Variants in NAV1 observed in about 807,000 individuals in gnomAD.
NAV1 encodes pore membrane and/or filament interacting like protein 3.
NAV1 carries 18 observed loss-of-function variants against 175.2 expected under a neutral mutation model. The ratio of observed to expected loss-of-function variants is 0.10; its 90% CI spans 0.07 to 0.15. The LOEUF (loss-of-function observed/expected upper bound fraction) is 0.15. Ranked by LOEUF, NAV1 falls within the 10% of genes least tolerant of loss-of-function variation. NAV1 has a pLI of 1.00. For synonymous variants in NAV1, 897 were observed against 978.7 expected (o/e 0.92, Z 1.56); for missense variants, 1,731 against 2,436.6 (o/e 0.71, Z 6.10).
intron 1 of NAV1, among the ~76,000 whole-genome samples, chr1:201,657,894 G>A (rs910044546): frequency 2.6e-5 from 4 of 152,114 alleles, no homozygotes; most frequent in Non-Finnish European, 5.9e-5. Flanking sequence ...TTAGCCAGGA[G>A]TGGTGGCTCA....
At chr1:201,701,603 T>C (rs1671427860) in intron 1 of NAV1, among the ~76,000 whole-genome samples, 1 of 152,168 alleles carries the variant, frequency 6.6e-6, no homozygotes, top group Admixed American at 6.5e-5. Flanking sequence ...AATTTGAAAC[T>C]TCATTAATTT....
In NAV1 at chr1:201,782,930, T is replaced by G; in HGVS notation, c.2357+61T>G. 52 of 1,417,390 alleles carry G rather than the reference T, an allele frequency of 3.7e-5. No homozygotes were observed. The highest frequency in any genetic ancestry group is 4.3e-5 in the Non-Finnish European group (45 of 1,043,596). The allele number at this position is 1,417,390 out of a possible 1,614,324, so 87.8% of individuals were successfully genotyped here. A position where few individuals can be genotyped will look rare whatever the true frequency, so the allele number is the denominator to read the frequency against. On this transcript the variant is annotated intron_variant, in intron 6 of 29. Coordinates refer to ENST00000367296, the Ensembl canonical transcript of NAV1. This position sits in a 1 kb window ranked among gnomAD's most constrained non-coding sequence, Gnocchi z 5.4. ...GCTTTGTCATTCTTTCGCATATCTC[T>G]GCCCTCCTTGGACTAGATGAGGCAT...
chr1:201,695,648 G>T (rs1671159518), intron 1 of NAV1, among the ~76,000 whole-genome samples: 2 of 152,246 alleles, frequency 1.3e-5, no homozygotes, highest in Non-Finnish European at 2.9e-5. Flanking sequence ...ACTGCAGCAT[G>T]GTGCCTGGGC....
chr1:201,664,117 A>C (rs1669722148), intron 1 of NAV1, among the ~76,000 whole-genome samples: 1 of 152,124 alleles, frequency 6.6e-6, no homozygotes, highest in African/African-American at 2.4e-5. Context: ...GAGAGACCCG[A>C]ATTCAAATCC....
intron 3 of NAV1, among the ~76,000 whole-genome samples, chr1:201,760,357 G>A (rs1185092233): frequency 6.7e-6 from 1 of 149,830 alleles, no homozygotes; most frequent in Non-Finnish European, 1.5e-5. Flanking sequence ...TAAATAAATA[G>A]ATTAAACTTT....
chr1:201,668,617 G>A (rs1669917032), intron 1 of NAV1, among the ~76,000 whole-genome samples: 1 of 152,154 alleles, frequency 6.6e-6, no homozygotes, highest in Admixed American at 6.5e-5. Context: ...GTGGTGCTGG[G>A]CGTGGGTCGA....
intron 3 of NAV1, among the ~76,000 whole-genome samples, chr1:201,763,682 G>A (rs1406910685): frequency 1.3e-5 from 2 of 152,214 alleles, no homozygotes; most frequent in Non-Finnish European, 2.9e-5. Context: ...GGCCCTGCCA[G>A]CTGACATGGC....
rs532818543 is a variant in NAV1 at position 201,696,781 on chromosome 1, C to T, written c.758-16036C>T. ...GGATTCAGATCCCTACCCTACAAGC[C>T]GTGTGACCTTAGGAAGTTAACTGAC... On this transcript the variant is annotated intron_variant, in intron 1 of 29. Coordinates refer to ENST00000367296, the Ensembl canonical transcript of NAV1. 5.3e-5 allele frequency among the ~76,000 whole-genome samples: 8 copies of T among 152,282 alleles called. 2 individuals carry two copies. Among genetic ancestry groups the T allele is most frequent in the African/African-American group, 1.4e-4 (6 of 41,534 alleles).
At chr1:201,601,042 T>C (rs961914303) in intron 2 of NAV1, among the ~76,000 whole-genome samples, 5 of 152,226 alleles carry the variant, frequency 3.3e-5, no homozygotes, top group African/African-American at 9.6e-5. Context: ...ATGGCAGCCA[T>C]AGCAGTCACC....
chr1:201,822,559 G>C (rs1199780013), exon 30 of NAV1: 3 of 152,582 alleles, frequency 2.0e-5, no homozygotes, highest in Non-Finnish European at 4.4e-5. Flanking sequence ...GGTAACCATG[G>C]ATACCACCAT....
chr1:201,581,646 T>C (rs568326378), intron 1 of NAV1, among the ~76,000 whole-genome samples: 1 of 151,796 alleles, frequency 6.6e-6, no homozygotes, highest in East Asian at 1.9e-4. Context: ...CTGGTCAACA[T>C]GGCGAAACCC....
chr1:201,749,934 G>A (rs899260211), intron 3 of NAV1, among the ~76,000 whole-genome samples: 30 of 152,136 alleles, frequency 2.0e-4, no homozygotes, highest in Admixed American at 2.0e-3. Context: ...GAAAGAAAAG[G>A]CATGTTGCTG....
intron 2 of NAV1, among the ~76,000 whole-genome samples, chr1:201,599,139 C>T (rs12068260): frequency 0.059 from 9,027 of 152,242 alleles, 572 homozygotes; most frequent in African/African-American, 0.16. Flanking sequence ...CAGGTTGGGC[C>T]CCCCAGGAGG....
At chr1:201,687,359 C>T (rs1223655390) in intron 1 of NAV1, among the ~76,000 whole-genome samples, 2 of 152,174 alleles carry the variant, frequency 1.3e-5, no homozygotes, top group African/African-American at 4.8e-5. Context: ...CACCTCCTTT[C>T]CTTCAATGGG....
chr1:201,647,593 C>T (rs2102327999), upstream of NAV1, among the ~76,000 whole-genome samples: 3 of 152,274 alleles, frequency 2.0e-5, no homozygotes, highest in Admixed American at 2.0e-4. Context: ...AAGCCCTCAG[C>T]CCCCTCCCCA....
chr1:201,689,922 C>T (rs537157714), intron 1 of NAV1, among the ~76,000 whole-genome samples: 20 of 151,708 alleles, frequency 1.3e-4, no homozygotes, highest in African/African-American at 3.9e-4. Context: ...GTGGCCTGTC[C>T]GTGGCAGAGT....
Position 201,793,893 on chromosome 1 carries a change from G to T in NAV1, c.3405+18G>T. On this transcript the variant is annotated intron_variant, in intron 14 of 29. Transcript: ENST00000367296. ...AGGAGAAGGTGAGAGGCCTGGGAAA[G>T]GGTGGGAGGGGTGGGTGCGGCGAGG... is the stretch of plus-strand genomic sequence containing the variant. 6.6e-7 allele frequency: 1 copy of T among 1,506,910 alleles called. No individual in the cohort carries two copies. The allele number at this position is 1,506,910 out of a possible 1,614,324, so 93.3% of individuals were successfully genotyped here.
rs58216500 is a variant in NAV1 at position 201,670,380 on chromosome 1, CAAAAAAAAAAA to C, written c.757+20973_757+20983del. On this transcript the variant is annotated intron_variant, in intron 1 of 29. Coordinates refer to ENST00000367296, the Ensembl canonical transcript of NAV1. ...TGGGCGACAGAGCGAGACTCCATCT[CAAAAAAAAAAA>C]AAAAAAAAAAAAAAAAAGGTAAGCT... Among the ~76,000 whole-genome samples the C allele has an allele frequency of 6.7e-3, 82 of 12,180 alleles. 1 individual carries two copies. Among genetic ancestry groups the C allele is most frequent in the South Asian group, 0.012 (3 of 242 alleles). The allele number at this position is 12,180 out of a possible 152,430, so 8.0% of individuals were successfully genotyped here.
At chr1:201,817,788 A>C (rs1679147370) in intron 29 of NAV1, among the ~76,000 whole-genome samples, 1 of 151,948 alleles carries the variant, frequency 6.6e-6, no homozygotes, top group African/African-American at 2.4e-5. Flanking sequence ...CGCTATCCTG[A>C]AGACTACTTC....
Sources: gnomAD v4.1 joint callset for allele counts (sites outside exome capture counted in the v4.1 genomes callset) on GRCh38, gnomAD v4.1.1 for gene constraint, Gnocchi (gnomAD v3.1) non-coding constraint, MANE v1.5 for transcripts, NCBI Gene and HGNC (gene_info 2026-07-23, HGNC 2026-07-21) for gene names.